The following AKAP13 variants were observed in gnomAD, a reference collection of about 807,000 sequenced individuals.
AKAP13 encodes the protein A-kinase anchoring protein 13, also known as A-kinase anchor protein 13.
A neutral mutation model predicts 264.5 loss-of-function variants in AKAP13; 80 were observed. The ratio of observed to expected loss-of-function variants is 0.30; its 90% CI spans 0.25 to 0.36. The LOEUF is 0.36. Ranked by LOEUF, AKAP13 falls within the 10% of genes least tolerant of loss-of-function variation. AKAP13 has a pLI of 1.00. For synonymous variants in AKAP13, 1,380 were observed against 1,250.2 expected, an observed-to-expected ratio of 1.10 and a Z score of -2.19; for missense variants, 3,712 against 3,435.2, an observed-to-expected ratio of 1.08 and a Z score of -2.01.
intron 1 of AKAP13, among the ~76,000 whole-genome samples, chr15:85,443,710 C>G (rs560188620): frequency 1.9e-3 from 289 of 151,240 alleles, no homozygotes; most frequent in Non-Finnish European, 3.1e-3. Flanking sequence ...TTTTGTGGTA[C>G]ATGACTGTAT....
At chr15:85,634,623 A>G (rs555901292) in intron 8 of AKAP13, among the ~76,000 whole-genome samples, 1 of 152,312 alleles carries the variant, frequency 6.6e-6, no homozygotes, top group East Asian at 1.9e-4. Flanking sequence ...ATATAAGTTT[A>G]TAGTTTGGTG....
At chr15:85,556,107 T>G (rs1209565436) in intron 5 of AKAP13, among the ~76,000 whole-genome samples, 1 of 152,208 alleles carries the variant, frequency 6.6e-6, no homozygotes, top group Non-Finnish European at 1.5e-5. Flanking sequence ...TGTGGCCGTT[T>G]CACTTACAGC....
rs1306349205 is a variant in AKAP13 at position 85,585,603 on chromosome 15, G to A, written c.4040-99G>A. On this transcript the variant is annotated intron_variant, in intron 7 of 36. Transcript: ENST00000394518. ...AATACTTTTCCATTTTAACGCAAAA[G>A]CAAAACAAAACACATGAAACCTGGA... 2.3e-5 allele frequency: 35 copies of A among 1,539,458 alleles called. 1 individual carries two copies. In the East Asian group the frequency reaches 5.9e-4, roughly 26 times the overall value.
At chr15:85,577,412 AT>A (rs2079050590) in intron 6 of AKAP13, among the ~76,000 whole-genome samples, 2 of 152,256 alleles carry the variant, frequency 1.3e-5, no homozygotes, top group Non-Finnish European at 2.9e-5. Context: ...AAATTTTGAT[AT>A]AAAGGTAAAA....
In AKAP13 at chr15:85,580,626, C is replaced by T; in HGVS notation, c.2558C>T (p.Ala853Val). ...GTAGGCCTGTCCACATCCTCCACTG[C>T]TGCAGAGCTTCAGCACGGGATGGGG... Reference protein sequence around the residue: ...RAVGLSTSSTAAELQHGMGNT... With the variant: ...RAVGLSTSSTVAELQHGMGNT... Residue 853 changes from alanine to valine, a missense_variant, in exon 7 of 37, where the codon GCT (alanine) becomes GTT (valine). Coordinates refer to ENST00000394518, the MANE Select transcript of AKAP13 (RefSeq NM_007200.5). 6.2e-7 allele frequency: 1 copy of T among 1,614,226 alleles called. No homozygotes were observed. Among genetic ancestry groups the T allele is most frequent in the South Asian group, 1.1e-5 (1 of 91,086 alleles).
Position 85,664,753 on chromosome 15 carries a change from C to T in AKAP13, c.4990C>T (p.Gln1664Ter). 1 of 1,610,440 alleles carries T rather than the reference C, an allele frequency of 6.2e-7. No homozygotes were observed. The highest frequency in any genetic ancestry group is 8.5e-7 in the Non-Finnish European group (1 of 1,178,566). Residue 1664 changes from glutamine (Q) to a stop codon, truncating the protein, a stop_gained and splice_region_variant, in exon 13 of 37, where the codon CAG becomes TAG. Coordinates refer to ENST00000394518, the MANE Select transcript of AKAP13 (RefSeq NM_007200.5). LOFTEE classifies it high-confidence loss of function. ...GAGAGAACATAGGATGTTTGATCAGCAGGTAAGTCTTAAATATGTCTAATT... is the reference window on the plus strand; with the variant it reads ...GAGAGAACATAGGATGTTTGATCAGTAGGTAAGTCTTAAATATGTCTAATT... ...DQREHRMFDQ[Q>*]ICHRSKQQGF...
At chr15:85,397,187 A>G (rs1397989071) in intron 1 of AKAP13, among the ~76,000 whole-genome samples, 1 of 152,150 alleles carries the variant, frequency 6.6e-6, no homozygotes, top group Non-Finnish European at 1.5e-5. Context: ...CAGTGTTGAT[A>G]TCTTAAAAGC....
chr15:85,692,706 A>G (rs942371745), intron 16 of AKAP13, among the ~76,000 whole-genome samples: 27 of 152,352 alleles, frequency 1.8e-4, no homozygotes, highest in African/African-American at 5.1e-4. Context: ...CTGAAAATGT[A>G]TATGTGGGGC....
At chr15:85,438,623 T>C (rs1213730030) in intron 1 of AKAP13, among the ~76,000 whole-genome samples, 18 of 147,246 alleles carry the variant, frequency 1.2e-4, no homozygotes, top group Admixed American at 6.8e-4. Flanking sequence ...AACAGAGATA[T>C]AGATCAATGG....
At chr15:85,627,712 G>A (rs1054565063) in intron 8 of AKAP13, 5 of 152,308 alleles carry the variant, frequency 3.3e-5, no homozygotes, top group African/African-American at 9.6e-5. Context: ...CAAAAGCAAA[G>A]GTCTTTAGCC....
intron 5 of AKAP13, among the ~76,000 whole-genome samples, chr15:85,550,791 C>A (rs1213233994): frequency 6.6e-6 from 1 of 152,202 alleles, no homozygotes; most frequent in African/African-American, 2.4e-5. Flanking sequence ...CTGTCCATCC[C>A]TTTGTATCTG....
intron 2 of AKAP13, among the ~76,000 whole-genome samples, chr15:85,497,164 A>G (rs1444080684): frequency 1.3e-5 from 2 of 152,224 alleles, no homozygotes; most frequent in Non-Finnish European, 2.9e-5. Flanking sequence ...TGTCCAAGAA[A>G]GATTAAAATA....
At chr15:85,439,122 GA>G (rs1289279274) in intron 1 of AKAP13, among the ~76,000 whole-genome samples, 1 of 151,526 alleles carries the variant, frequency 6.6e-6, no homozygotes, top group African/African-American at 2.4e-5. Context: ...AAATTTACAA[GA>G]AAAAAAATAA....
intron 34 of AKAP13, 85 bp downstream of exon 34, chr15:85,740,357 T>G (rs535924913): frequency 6.6e-7 from 1 of 1,510,158 alleles, no homozygotes; most frequent in Non-Finnish European, 9.1e-7. Context: ...TCTTTGAGGT[T>G]TGCAGGATGT....
intron 13 of AKAP13, among the ~76,000 whole-genome samples, chr15:85,665,756 C>T (rs1012379717): frequency 2.6e-5 from 4 of 152,148 alleles, no homozygotes; most frequent in Non-Finnish European, 5.9e-5. Context: ...TCAGTTCCCA[C>T]CTATGAGTGA....
intron 5 of AKAP13, among the ~76,000 whole-genome samples, chr15:85,548,394 G>C (rs964973509): frequency 6.6e-6 from 1 of 152,134 alleles, no homozygotes; most frequent in Non-Finnish European, 1.5e-5. Context: ...AGCAAATAAA[G>C]GTGCATAAAT....
At chr15:85,458,281 A>G (rs999242138) in intron 1 of AKAP13, among the ~76,000 whole-genome samples, 1 of 152,024 alleles carries the variant, frequency 6.6e-6, no homozygotes, top group Non-Finnish European at 1.5e-5. Context: ...ACTTTAGAAT[A>G]TAAAGTAGAA....
At chr15:85,491,862 C>G (rs2151072325) in intron 2 of AKAP13, among the ~76,000 whole-genome samples, 1 of 152,266 alleles carries the variant, frequency 6.6e-6, no homozygotes. Context: ...TAAGAAAGCA[C>G]ATTTGCATGC....
intron 8 of AKAP13, among the ~76,000 whole-genome samples, chr15:85,623,034 T>C (rs2081263465): frequency 6.6e-6 from 1 of 152,216 alleles, no homozygotes; most frequent in Admixed American, 6.5e-5. Context: ...CTCACAATTC[T>C]AAAAAACCAT....
Sources: gnomAD v4.1 joint callset for allele counts (sites outside exome capture counted in the v4.1 genomes callset) on GRCh38, gnomAD v4.1.1 for gene constraint, MANE v1.5 for transcripts, NCBI Gene and HGNC (gene_info 2026-07-23, HGNC 2026-07-21) for gene names.